The following RBKS variants were observed in gnomAD, a reference collection of about 807,000 sequenced individuals.
RBKS encodes ribokinase.
In RBKS, 33 loss-of-function variants were observed where a neutral mutation model predicts 33.9. The ratio of observed to expected loss-of-function variants is 0.97; its 90% CI spans 0.74 to 1.30. The LOEUF (loss-of-function observed/expected upper bound fraction) is 1.30. Among genes scored for constraint, RBKS ranks in the 50% most tolerant of loss-of-function variants. The pLI is 0.00. For missense variants in RBKS, 361 were observed against 392.6 expected (o/e 0.92, Z 0.68); for synonymous variants, 125 against 143.0 (o/e 0.87, Z 0.90).
intron 1 of RBKS, 42 bp from the exon 2 acceptor site, chr2:27,858,613 C>T: frequency 6.3e-7 from 1 of 1,579,772 alleles, no homozygotes; most frequent in Non-Finnish European, 8.7e-7. Context: ...ATATTGGTAA[C>T]TGTAATCAAT....
chr2:27,796,978 C>A (rs1364079697), intron 7 of RBKS, among the ~76,000 whole-genome samples: 1 of 152,208 alleles, frequency 6.6e-6, no homozygotes, highest in Non-Finnish European at 1.5e-5. Flanking sequence ...AGTTCCTTCA[C>A]TGAAGGTACC....
Position 27,833,579 on chromosome 2 carries a change from T to C in RBKS, c.515-802A>G, listed in dbSNP as rs145696825. Among the ~76,000 whole-genome samples the C allele has an allele frequency of 4.9e-4, 75 of 152,228 alleles. 1 individual carries two copies. In the East Asian group the frequency reaches 8.9e-3, roughly 18 times the overall value. On this transcript the variant is annotated intron_variant, in intron 5 of 7. Transcript: ENST00000302188. ...GAGGTCCTATGTCTCAGTTCATACA[T>C]TGGGACACAATTAAGATGGACCCCT...
intron 6 of RBKS, among the ~76,000 whole-genome samples, chr2:27,828,428 T>C (rs184101132): frequency 7.2e-5 from 11 of 152,356 alleles, no homozygotes; most frequent in Admixed American, 5.2e-4. Context: ...AAGCCTCTCT[T>C]GGGCCATAAT....
At chr2:27,784,005 ACGGAGTCT>A (rs1677345028) in intron 7 of RBKS, among the ~76,000 whole-genome samples, 2 of 36,166 alleles carry the variant, frequency 5.5e-5, no homozygotes, top group Admixed American at 4.7e-4. Flanking sequence ...TTTTTTTGAG[ACGGAGTCT>A]CGCTCTGTCG....
At chr2:27,876,898 T>C (rs1432385001) in intron 1 of RBKS, among the ~76,000 whole-genome samples, 1 of 152,150 alleles carries the variant, frequency 6.6e-6, no homozygotes, top group Non-Finnish European at 1.5e-5. Flanking sequence ...ATAATTGCAA[T>C]ATTAGCTTTG....
chr2:27,884,486 T>C (rs1196627129), intron 1 of RBKS, among the ~76,000 whole-genome samples: 1 of 151,946 alleles, frequency 6.6e-6, no homozygotes, highest in Non-Finnish European at 1.5e-5. Context: ...GCTCAAGCGA[T>C]CCACCCGCTT....
chr2:27,810,625 G>T lies in RBKS; in HGVS notation c.795+16942C>A, dbSNP rs796149982. On this transcript the variant is annotated intron_variant, in intron 7 of 7. Transcript: ENST00000302188. The surrounding 1 kb of genome is among the most constrained non-coding windows in gnomAD (Gnocchi z 4.4). The stretch of plus-strand genomic sequence containing the variant: ...TGAAAACCACTCAGACTGACAGAAT[G>T]ATCTGTTTGTTTCAACTATGAAATA... Among the ~76,000 whole-genome samples the T allele has an allele frequency of 9.2e-5, 14 of 152,278 alleles. No homozygotes were observed. The highest frequency in any genetic ancestry group is 3.4e-4 in the African/African-American group (14 of 41,552).
intron 1 of RBKS, among the ~76,000 whole-genome samples, chr2:27,883,926 A>G (rs936820166): frequency 1.3e-5 from 2 of 152,144 alleles, no homozygotes; most frequent in Non-Finnish European, 2.9e-5. Flanking sequence ...ATTACTTTTG[A>G]TATTAGGGAA....
In RBKS at chr2:27,837,928, G is replaced by A. The variant is rs140676578; in HGVS notation, c.514+5139C>T. Among the ~76,000 whole-genome samples the A allele has an allele frequency of 4.1e-4, 63 of 152,258 alleles. No individual in the cohort carries two copies. Among genetic ancestry groups the A allele is most frequent in the Non-Finnish European group, 4.3e-4 (29 of 68,032 alleles). Reference sequence around the variant, plus strand: ...AAATCTGCATATGAAGGCCTGGTGCGGTGGTTCATGCCTGTAATCCCAGTA... The same window carrying A: ...AAATCTGCATATGAAGGCCTGGTGCAGTGGTTCATGCCTGTAATCCCAGTA... On this transcript the variant is annotated intron_variant, in intron 5 of 7. Transcript: ENST00000302188. The surrounding 1 kb of genome is among the most constrained non-coding windows in gnomAD (Gnocchi z 4.0).
At position 27,837,266 on chromosome 2, in the gene RBKS, T is replaced by C. The variant is rs930458031; in HGVS notation, c.515-4489A>G. 6.6e-6 allele frequency among the ~76,000 whole-genome samples: 1 copy of C among 150,620 alleles called. No homozygotes were observed. Among genetic ancestry groups the C allele is most frequent in the Admixed American group, 6.6e-5 (1 of 15,196 alleles). On this transcript the variant is annotated intron_variant, in intron 5 of 7. Coordinates refer to ENST00000302188, the MANE Select transcript of RBKS (RefSeq NM_022128.3). The surrounding 1 kb of genome is among the most constrained non-coding windows in gnomAD (Gnocchi z 4.0). ...TCCAGCCTGGGCGATAGAGCGAGAC[T>C]CCATCTCAAAAAACAAAACAAAACA... is the stretch of plus-strand genomic sequence containing the variant.
chr2:27,805,968 T>C (rs1677888913), intron 7 of RBKS, among the ~76,000 whole-genome samples: 1 of 152,110 alleles, frequency 6.6e-6, no homozygotes, highest in South Asian at 2.1e-4. Context: ...CTCAGCTCAC[T>C]GTAGGCTCAA....
chr2:27,875,393 A>C (rs1664291562), intron 1 of RBKS, among the ~76,000 whole-genome samples: 1 of 152,156 alleles, frequency 6.6e-6, no homozygotes, highest in Non-Finnish European at 1.5e-5. Flanking sequence ...ACCAAAAATA[A>C]AATATAAAAA....
chr2:27,874,176 TA>T (rs1198232279), intron 1 of RBKS, among the ~76,000 whole-genome samples: 1 of 152,254 alleles, frequency 6.6e-6, no homozygotes, highest in Admixed American at 6.5e-5. Context: ...TAGAAAGTAC[TA>T]AAAAGTGATT....
chr2:27,848,448 T>C (rs925531102), intron 2 of RBKS, among the ~76,000 whole-genome samples: 6 of 152,164 alleles, frequency 3.9e-5, no homozygotes, highest in Non-Finnish European at 8.8e-5. Context: ...TCACTGTAAA[T>C]ATGGGTATCT....
chr2:27,866,107 A>C (rs947981431), intron 1 of RBKS, among the ~76,000 whole-genome samples: 4 of 152,084 alleles, frequency 2.6e-5, no homozygotes, highest in Admixed American at 1.3e-4. Context: ...TTATAGTGTG[A>C]GTTTTCTGGT....
intron 5 of RBKS, among the ~76,000 whole-genome samples, chr2:27,841,391 C>A (rs1286420426): frequency 6.6e-6 from 1 of 152,106 alleles, no homozygotes; most frequent in Non-Finnish European, 1.5e-5. Context: ...CAAAGAAAGA[C>A]AAGAGCAGGA....
intron 7 of RBKS, among the ~76,000 whole-genome samples, chr2:27,799,723 G>A (rs1677736649): frequency 6.6e-6 from 1 of 152,222 alleles, no homozygotes; most frequent in Admixed American, 6.5e-5. Context: ...CACCAACAGG[G>A]TCAGCCTTGC....
At chr2:27,880,846 G>A (rs1006883143) in intron 1 of RBKS, among the ~76,000 whole-genome samples, 1 of 152,102 alleles carries the variant, frequency 6.6e-6, no homozygotes, top group African/African-American at 2.4e-5. Flanking sequence ...ATTGCCCAAA[G>A]CAATTTACAG....
Position 27,890,135 on chromosome 2 carries a change from CA to C in RBKS, c.89+121del. 2 of 818,888 alleles carry C rather than the reference CA, an allele frequency of 2.4e-6. No individual in the cohort carries two copies. The highest frequency in any genetic ancestry group is 3.8e-6 in the Non-Finnish European group (2 of 520,016). 50.7% of individuals were successfully genotyped at this position (818,888 alleles called of 1,614,324 possible). On this transcript the variant is annotated intron_variant, in intron 1 of 7. Coordinates refer to ENST00000302188, the MANE Select transcript of RBKS (RefSeq NM_022128.3). This position sits in a 1 kb window ranked among gnomAD's most constrained non-coding sequence, Gnocchi z 4.8. ...CTGAAGGCTTCGAAAACCTGCAGCT[CA>C]TACCCAAAGCTAGCACTGTCTATCC... is the stretch of plus-strand genomic sequence containing the variant.
Sources: allele counts gnomAD v4.1 joint callset (sites outside exome capture counted in the v4.1 genomes callset), GRCh38; gene constraint gnomAD v4.1.1; non-coding constraint Gnocchi (gnomAD v3.1); transcripts MANE v1.5; gene names NCBI Gene and HGNC (gene_info 2026-07-23, HGNC 2026-07-21).